Variants in IGSF11 observed in about 807,000 individuals in gnomAD.
IGSF11 encodes the protein CXADR like 1.
A neutral mutation model predicts 41.0 loss-of-function variants in IGSF11; 22 were observed. The ratio of observed to expected loss-of-function variants is 0.54; its 90% CI spans 0.38 to 0.77. The LOEUF is 0.77. IGSF11 is among the 30% of genes least tolerant of loss of function. IGSF11 has a pLI of 0.00. For missense variants in IGSF11, 444 were observed against 530.8 expected, an observed-to-expected ratio of 0.84 and a Z score of 1.61; for synonymous variants, 219 against 201.3, an observed-to-expected ratio of 1.09 and a Z score of -0.74.
At chr3:119,116,978 AC>A (rs1382717066) in intron 1 of IGSF11, among the ~76,000 whole-genome samples, 1 of 151,176 alleles carries the variant, frequency 6.6e-6, no homozygotes, top group Non-Finnish European at 1.5e-5. Context: ...GTACCTGGCC[AC>A]CCCCACCCCT....
At chr3:119,066,393 T>G (rs1322865178) in intron 1 of IGSF11, among the ~76,000 whole-genome samples, 3 of 152,234 alleles carry the variant, frequency 2.0e-5, no homozygotes, top group Non-Finnish European at 4.4e-5. Context: ...TGTGATTTAT[T>G]TTCAAAGTTT....
chr3:119,030,327 C>A (rs887997434), intron 1 of IGSF11, among the ~76,000 whole-genome samples: 2 of 152,130 alleles, frequency 1.3e-5, no homozygotes, highest in Non-Finnish European at 2.9e-5. Context: ...ATGAGTGAGG[C>A]AGACCCATAC....
intron 1 of IGSF11, among the ~76,000 whole-genome samples, chr3:119,001,509 T>C (rs574903897): frequency 1.4e-5 from 2 of 147,522 alleles, no homozygotes; most frequent in Admixed American, 6.7e-5. Flanking sequence ...TTAGGGTACA[T>C]GTGCACATTG....
chr3:119,100,915 G>T (rs1489206173), intron 1 of IGSF11, among the ~76,000 whole-genome samples: 1 of 152,234 alleles, frequency 6.6e-6, no homozygotes, highest in Non-Finnish European at 1.5e-5. Context: ...TACAGAGGGA[G>T]ATGAGGGATG....
At chr3:118,905,550 T>TA (rs761841624) in intron 5 of IGSF11, 46 bp downstream of exon 5, 4 of 1,605,876 alleles carry the variant, frequency 2.5e-6, no homozygotes, top group South Asian at 2.2e-5. Context: ...ACAAAGATCT[T>TA]AGAGTTTCAG....
chr3:119,145,700 G>A (rs1189130563), intron 1 of IGSF11: 1 of 156,920 alleles, frequency 6.4e-6, no homozygotes, highest in African/African-American at 2.4e-5. Flanking sequence ...ACCCAAAGGG[G>A]ATGGCAATAG....
intron 1 of IGSF11, among the ~76,000 whole-genome samples, chr3:119,040,372 T>G (rs1941073745): frequency 6.6e-6 from 1 of 152,196 alleles, no homozygotes; most frequent in Non-Finnish European, 1.5e-5. Flanking sequence ...TCCCTGAATG[T>G]CTGGGGAGAC....
intron 1 of IGSF11, among the ~76,000 whole-genome samples, chr3:119,132,025 C>T (rs1397163891): frequency 6.6e-6 from 1 of 152,146 alleles, no homozygotes; most frequent in Non-Finnish European, 1.5e-5. Context: ...ACCACCAGGC[C>T]TACCTTACAA....
chr3:119,024,418 G>A (rs1409371582), intron 1 of IGSF11, among the ~76,000 whole-genome samples: 1 of 152,122 alleles, frequency 6.6e-6, no homozygotes, highest in Admixed American at 6.5e-5. Context: ...TACTTACCAA[G>A]ATAAAATACT....
chr3:119,101,633 T>G (rs1167609334), intron 1 of IGSF11, among the ~76,000 whole-genome samples: 1 of 152,244 alleles, frequency 6.6e-6, no homozygotes, highest in Non-Finnish European at 1.5e-5. Context: ...TACCATAATT[T>G]ATTTCACTGG....
intron 1 of IGSF11, among the ~76,000 whole-genome samples, chr3:118,984,996 T>C (rs1289576245): frequency 6.6e-6 from 1 of 152,120 alleles, no homozygotes; most frequent in Non-Finnish European, 1.5e-5. Flanking sequence ...ATTTATCCCT[T>C]CCACAGCCTA....
upstream of IGSF11, among the ~76,000 whole-genome samples, chr3:119,105,620 T>C (rs2077010350): frequency 6.6e-6 from 1 of 152,190 alleles, no homozygotes; most frequent in Non-Finnish European, 1.5e-5. Flanking sequence ...TCTTTAGTAA[T>C]TTAAAACTTC....
intron 1 of IGSF11, among the ~76,000 whole-genome samples, chr3:119,101,209 T>C (rs1273065883): frequency 6.6e-6 from 1 of 152,208 alleles, no homozygotes; most frequent in South Asian, 2.1e-4. Context: ...TAAAAAATGT[T>C]ATTTTAAAAA....
intron 1 of IGSF11, among the ~76,000 whole-genome samples, chr3:119,004,890 G>A (rs1237971039): frequency 6.6e-6 from 1 of 152,096 alleles, no homozygotes; most frequent in Non-Finnish European, 1.5e-5. Context: ...CAACTATGTG[G>A]TCAATTTTGG....
intron 1 of IGSF11, among the ~76,000 whole-genome samples, chr3:119,028,872 A>T (rs1328734010): frequency 1.3e-5 from 2 of 152,090 alleles, no homozygotes; most frequent in Non-Finnish European, 2.9e-5. Flanking sequence ...GAGAAATCTG[A>T]ATAAGCTCTG....
At chr3:119,119,017 C>T (rs2077297286) in intron 1 of IGSF11, among the ~76,000 whole-genome samples, 1 of 152,190 alleles carries the variant, frequency 6.6e-6, no homozygotes, top group Non-Finnish European at 1.5e-5. Context: ...TTAGTCAAAG[C>T]CATTCAACAA....
intron 1 of IGSF11, among the ~76,000 whole-genome samples, chr3:119,003,974 T>G (rs1381136976): frequency 6.6e-6 from 1 of 151,636 alleles, no homozygotes; most frequent in Admixed American, 6.6e-5. Flanking sequence ...GATGTTGGCC[T>G]CATAAAATGA....
At chr3:119,019,873 A>G (rs776149079) in intron 1 of IGSF11, among the ~76,000 whole-genome samples, 2 of 152,116 alleles carry the variant, frequency 1.3e-5, no homozygotes, top group African/African-American at 2.4e-5. Flanking sequence ...CAAAATTCCT[A>G]TGTTGAAACC....
At chr3:119,088,731 A>G (rs2076717171) in intron 1 of IGSF11, among the ~76,000 whole-genome samples, 1 of 152,182 alleles carries the variant, frequency 6.6e-6, no homozygotes, top group South Asian at 2.1e-4. Flanking sequence ...AGAAAATCCA[A>G]ATAAACACAA....
Sources: allele counts gnomAD v4.1 joint callset (sites outside exome capture counted in the v4.1 genomes callset), GRCh38; gene constraint gnomAD v4.1.1; transcripts MANE v1.5; gene names NCBI Gene and HGNC (gene_info 2026-07-23, HGNC 2026-07-21).